Variants in BBS12 observed in about 807,000 individuals in gnomAD.
BBS12 encodes chaperonin-containing T-complex member BBS12.
A neutral mutation model predicts 5.6 loss-of-function variants in BBS12; 5 were observed. The observed-to-expected ratio is 0.89, with a 90% CI of 0.46 to 1.86. The LOEUF is 1.86. Among genes scored for constraint, BBS12 ranks in the 40% most tolerant of loss-of-function variants. The pLI, the probability that BBS12 is intolerant of heterozygous loss-of-function variation, is 0.01. For missense variants in BBS12, 748 were observed against 830.4 expected, an observed-to-expected ratio of 0.90 and a Z score of 1.22; for synonymous variants, 308 against 306.8, an observed-to-expected ratio of 1.00 and a Z score of -0.04.
chr4:122,711,791 G>A, the BBS12 span, among the ~76,000 whole-genome samples: 2 of 152,162 alleles, frequency 1.3e-5, no homozygotes, highest in Non-Finnish European at 2.9e-5. Flanking sequence ...ATGACAAAGG[G>A]TGGACTTGTG....
At chr4:122,736,438 G>A (rs752641065) in intron 1 of BBS12, among the ~76,000 whole-genome samples, 1 of 151,982 alleles carries the variant, frequency 6.6e-6, no homozygotes, top group Non-Finnish European at 1.5e-5. Flanking sequence ...TCAAAATGCA[G>A]CTCCTGAAAG....
the BBS12 span, among the ~76,000 whole-genome samples, chr4:122,719,100 T>C: frequency 6.6e-6 from 1 of 152,192 alleles, no homozygotes; most frequent in Non-Finnish European, 1.5e-5. Flanking sequence ...ATTATAGGCG[T>C]GAGCCACCGC....
chr4:122,742,309 C>G lies in BBS12; in HGVS notation c.417C>G (p.Asp139Glu), dbSNP rs1399737514. Residue 139 changes from aspartate (D) to glutamate (E), a missense_variant, in exon 2 of 2, where the codon GAC becomes GAG. Coordinates refer to ENST00000314218, the MANE Select transcript of BBS12 (RefSeq NM_152618.3). ...ATGTACCTGTTCACAATATATTTGA[C>G]TGTATGGACAGCACAAAAACATTTT... ...SLHVPVHNIF[D>E]CMDSTKTFSQ... 1 of 1,614,012 alleles carries G rather than the reference C, an allele frequency of 6.2e-7. No individual in the cohort carries two copies. Among genetic ancestry groups the G allele is most frequent in the South Asian group, 1.1e-5 (1 of 91,060 alleles).
chr4:122,744,032 T>A lies in BBS12; in HGVS notation c.*7T>A. 1 of 1,608,848 alleles carries A rather than the reference T, an allele frequency of 6.2e-7. No individual in the cohort carries two copies. The highest frequency in any genetic ancestry group is 8.5e-7 in the Non-Finnish European group (1 of 1,175,232). On this transcript the variant is annotated 3_prime_UTR_variant, in exon 2 of 2. Transcript: ENST00000314218. ...GGGCTTTCTATTTTTGTAGTGTTAC[T>A]GGCTAAGTCTTTGGAAAATAATTTT... is the stretch of plus-strand genomic sequence containing the variant.
Position 122,742,783 on chromosome 4 carries a change from T to C in BBS12, c.891T>C (p.Ala297=), listed in dbSNP as rs2150736617. Residue 297 remains alanine (A), a synonymous_variant, in exon 2 of 2, where the codon GCT becomes GCC. Transcript: ENST00000314218. The part of the protein sequence containing the change: ...EEAVQLQYQN[A]CVQQGNCTKP... Reference sequence around the variant, plus strand: ...CAGTACAGCTGCAATATCAGAATGCTTGTGTGCAACAAGGCAACTGTACAA... The same window carrying C: ...CAGTACAGCTGCAATATCAGAATGCCTGTGTGCAACAAGGCAACTGTACAA... 2 of 1,614,238 alleles carry C rather than the reference T, an allele frequency of 1.2e-6. No homozygotes were observed. The highest frequency in any genetic ancestry group is 1.6e-4 in the Middle Eastern group (1 of 6,062).
chr4:122,700,609 G>A, the BBS12 span, among the ~76,000 whole-genome samples: 1 of 152,234 alleles, frequency 6.6e-6, no homozygotes, highest in Non-Finnish European at 1.5e-5. Flanking sequence ...GTGTGTGTGG[G>A]TGCTCTGCCT....
the BBS12 span, among the ~76,000 whole-genome samples, chr4:122,715,287 T>C: frequency 6.7e-6 from 1 of 149,174 alleles, no homozygotes; most frequent in African/African-American, 2.5e-5. Context: ...TTCTCATCCA[T>C]CACTTTCACC....
At chr4:122,726,236 AC>A in the BBS12 span, among the ~76,000 whole-genome samples, 1 of 152,188 alleles carries the variant, frequency 6.6e-6, no homozygotes, top group Non-Finnish European at 1.5e-5. Flanking sequence ...AAGAAAAAAA[AC>A]GATGCCATCA....
chr4:122,741,802 A>G (rs1245566605), intron 1 of BBS12, 81 bp from the exon 2 acceptor site: 12 of 1,177,286 alleles, frequency 1.0e-5, no homozygotes, highest in Non-Finnish European at 1.2e-6. Flanking sequence ...AGCAGGGAGC[A>G]TATCTTGTTT....
At chr4:122,707,655 A>G in the BBS12 span, among the ~76,000 whole-genome samples, 1 of 152,156 alleles carries the variant, frequency 6.6e-6, no homozygotes, top group East Asian at 1.9e-4. Flanking sequence ...CTCTGGGCCA[A>G]TGGAAGCCTC....
the BBS12 span, among the ~76,000 whole-genome samples, chr4:122,700,933 T>C: frequency 6.6e-6 from 1 of 152,218 alleles, no homozygotes; most frequent in African/African-American, 2.4e-5. Context: ...GCTCTTGATC[T>C]ACTAAGCTTT....
At chr4:122,708,212 A>G in the BBS12 span, among the ~76,000 whole-genome samples, 1 of 151,826 alleles carries the variant, frequency 6.6e-6, no homozygotes, top group Non-Finnish European at 1.5e-5. Flanking sequence ...GCATTTCACC[A>G]TATTGCCCAA....
At chr4:122,735,041 C>T (rs1800764981) in intron 1 of BBS12, among the ~76,000 whole-genome samples, 1 of 152,144 alleles carries the variant, frequency 6.6e-6, no homozygotes, top group Non-Finnish European at 1.5e-5. Flanking sequence ...AAGGAATCTA[C>T]AGATTAGTGG....
At chr4:122,725,220 A>C in the BBS12 span, among the ~76,000 whole-genome samples, 2 of 152,202 alleles carry the variant, frequency 1.3e-5, no homozygotes, top group Non-Finnish European at 2.9e-5. Flanking sequence ...TGTAATTGCC[A>C]TCAAAATACC....
chr4:122,705,298 G>C, the BBS12 span, among the ~76,000 whole-genome samples: 1 of 152,128 alleles, frequency 6.6e-6, no homozygotes, highest in Non-Finnish European at 1.5e-5. Flanking sequence ...TTTTGGGGTA[G>C]GGCTTAAGGT....
In BBS12 at chr4:122,742,029, A is replaced by C; in HGVS notation, c.137A>C (p.Glu46Ala). ...TTTATTATAGATGAAGAATGTCATG[A>C]AAGTGTATTAATCAGTTCAACAGTA... ...SKFIIDEECH[E>A]SVLISSTVRL... Residue 46 changes from glutamate (E) to alanine (A), a missense_variant, in exon 2 of 2, where the codon GAA becomes GCA. Coordinates refer to ENST00000314218, the MANE Select transcript of BBS12 (RefSeq NM_152618.3). The C allele has an allele frequency of 6.2e-7, 1 of 1,613,974 alleles. No homozygotes were observed. Among genetic ancestry groups the C allele is most frequent in the Non-Finnish European group, 8.5e-7 (1 of 1,179,872 alleles).
At chr4:122,715,879 G>C in the BBS12 span, among the ~76,000 whole-genome samples, 1 of 151,952 alleles carries the variant, frequency 6.6e-6, no homozygotes, top group Non-Finnish European at 1.5e-5. Flanking sequence ...TTGTTCTTTT[G>C]TTTATGTCAG....
rs1317803123 is a variant in BBS12, at chr4:122,743,283, G to C, written c.1391G>C (p.Cys464Ser). The C allele has an allele frequency of 1.2e-6, 2 of 1,614,218 alleles. No individual in the cohort carries two copies. The highest frequency in any genetic ancestry group is 1.7e-6 in the Non-Finnish European group (2 of 1,180,026). ...TACATTACACAAGTGAATGAAGATTGTGTGGGCGACGGGGTCTGCGTGACC... is the reference window on the plus strand; with the variant it reads ...TACATTACACAAGTGAATGAAGATTCTGTGGGCGACGGGGTCTGCGTGACC... ...VAYITQVNED[C>S]VGDGVCVTFW... Residue 464 changes from cysteine to serine, a missense_variant, in exon 2 of 2, where the codon TGT becomes TCT. By Grantham distance (112) the Cys-to-Ser change is moderately radical. Transcript: ENST00000314218.
the BBS12 span, among the ~76,000 whole-genome samples, chr4:122,702,423 T>A: frequency 6.6e-6 from 1 of 152,204 alleles, no homozygotes; most frequent in Non-Finnish European, 1.5e-5. Flanking sequence ...ACCACTCTGT[T>A]CTTAATTTGT....
Sources: gnomAD v4.1 joint callset for allele counts (sites outside exome capture counted in the v4.1 genomes callset) on GRCh38, gnomAD v4.1.1 for gene constraint, MANE v1.5 for transcripts, NCBI Gene and HGNC (gene_info 2026-07-23, HGNC 2026-07-21) for gene names.